ROBO2: variants seen among roughly 807,000 people sequenced by gnomAD.
ROBO2 encodes the protein roundabout homolog 2.
Under a neutral mutation model 160.8 loss-of-function variants are expected in ROBO2, and 53 were observed. That is an observed-to-expected ratio of 0.33 (90% CI 0.26 to 0.41). The LOEUF is 0.41. Ranked by LOEUF, ROBO2 falls within the 10% of genes least tolerant of loss-of-function variation. The pLI is 1.00. For synonymous variants in ROBO2, 664 were observed against 611.7 expected, an observed-to-expected ratio of 1.09 and a Z score of -1.26; for missense variants, 1,577 against 1,722.4, an observed-to-expected ratio of 0.92 and a Z score of 1.49.
At chr3:76,254,578 A>G (rs1706239212) in intron 2 of ROBO2, among the ~76,000 whole-genome samples, 1 of 152,106 alleles carries the variant, frequency 6.6e-6, no homozygotes, top group Admixed American at 6.6e-5. Context: ...GGAAGTCTAG[A>G]GTCAGAAATA....
chr3:76,595,491 G>A (rs1190269789), intron 2 of ROBO2, among the ~76,000 whole-genome samples: 1 of 151,748 alleles, frequency 6.6e-6, no homozygotes, highest in African/African-American at 2.4e-5. Flanking sequence ...GTGACACTAA[G>A]AATGATAAAA....
At chr3:76,626,787 G>T (rs1348189768) in intron 2 of ROBO2, among the ~76,000 whole-genome samples, 2 of 151,980 alleles carry the variant, frequency 1.3e-5, no homozygotes, top group Admixed American at 1.3e-4. Context: ...CCGCCTCCCG[G>T]GTTCACGTCA....
chr3:76,097,932 A>C (rs1269753043), intron 2 of ROBO2, among the ~76,000 whole-genome samples: 1 of 152,194 alleles, frequency 6.6e-6, no homozygotes, highest in Non-Finnish European at 1.5e-5. Context: ...CGATTAATAA[A>C]ATCAAAGTTT....
chr3:77,520,223 G>C (rs1389467965), intron 5 of ROBO2, among the ~76,000 whole-genome samples: 3 of 151,260 alleles, frequency 2.0e-5, no homozygotes, highest in Non-Finnish European at 3.0e-5. Context: ...ACTGTTTTAA[G>C]TTAGCATTTA....
At chr3:76,138,338 C>A (rs1226174409) in intron 2 of ROBO2, among the ~76,000 whole-genome samples, 2 of 151,698 alleles carry the variant, frequency 1.3e-5, no homozygotes, top group Non-Finnish European at 2.9e-5. Context: ...GCTAGAAGAA[C>A]AAAATATAAA....
chr3:76,489,218 A>T (rs1279756639), intron 2 of ROBO2, among the ~76,000 whole-genome samples: 10 of 150,202 alleles, frequency 6.7e-5, no homozygotes, highest in Non-Finnish European at 1.3e-4. Context: ...GGCTCTGATG[A>T]AAAAATGTTT....
chr3:77,094,551 G>C (rs1422790599), intron 1 of ROBO2, among the ~76,000 whole-genome samples: 1 of 152,130 alleles, frequency 6.6e-6, no homozygotes, highest in Non-Finnish European at 1.5e-5. Context: ...TATATATCTA[G>C]GAGTGAAATT....
At chr3:77,431,136 T>C in intron 2 of ROBO2, among the ~76,000 whole-genome samples, 1 of 152,206 alleles carries the variant, frequency 6.6e-6, no homozygotes, top group East Asian at 1.9e-4. Context: ...TAACTGAGCA[T>C]TTAGCAATTG....
chr3:76,468,028 G>A lies in ROBO2; in HGVS notation c.109+530426G>A, dbSNP rs1482584302. ...ACAGTTTTTAGCAAGAAGAAATAAT[G>A]ATAGAAATTGTCATTTACAAAAGCC... On this transcript the variant is annotated intron_variant, in intron 2 of 26. Coordinates refer to the ROBO2 transcript ENST00000487694. Among the ~76,000 whole-genome samples the A allele has an allele frequency of 3.9e-5, 6 of 152,184 alleles. No individual in the cohort carries two copies. The East Asian group carries it at 1.2e-3, about 29-fold the overall frequency.
intron 2 of ROBO2, among the ~76,000 whole-genome samples, chr3:76,123,768 C>T (rs1194473395): frequency 6.6e-6 from 1 of 152,128 alleles, no homozygotes; most frequent in Admixed American, 6.5e-5. Flanking sequence ...TTCACACTCT[C>T]TGGTGTATTA....
intron 2 of ROBO2, among the ~76,000 whole-genome samples, chr3:76,207,418 T>C (rs564452964): frequency 2.0e-5 from 3 of 152,290 alleles, no homozygotes; most frequent in South Asian, 2.1e-4. Flanking sequence ...AAATTTATGA[T>C]GTTAATTTTA....
At chr3:76,165,929 C>T (rs1472952867) in intron 2 of ROBO2, among the ~76,000 whole-genome samples, 1 of 152,082 alleles carries the variant, frequency 6.6e-6, no homozygotes, top group African/African-American at 2.4e-5. Context: ...ACAATTCATT[C>T]ATCAAGTTTG....
At chr3:76,444,175 T>C (rs1410038181) in intron 2 of ROBO2, among the ~76,000 whole-genome samples, 6 of 152,110 alleles carry the variant, frequency 3.9e-5, no homozygotes, top group Non-Finnish European at 8.8e-5. Context: ...AGACGGGGTC[T>C]CATCATGTTG....
At chr3:76,625,435 T>A (rs1356892612) in intron 2 of ROBO2, among the ~76,000 whole-genome samples, 3 of 152,178 alleles carry the variant, frequency 2.0e-5, no homozygotes, top group Non-Finnish European at 2.9e-5. Flanking sequence ...TGTCATTTTT[T>A]GTAAAGCATA....
intron 2 of ROBO2, among the ~76,000 whole-genome samples, chr3:77,465,657 A>G (rs912352127): frequency 1.3e-5 from 2 of 152,162 alleles, no homozygotes; most frequent in African/African-American, 2.4e-5. Flanking sequence ...AGGTTTGATT[A>G]AAGCATCCAT....
intron 2 of ROBO2, among the ~76,000 whole-genome samples, chr3:77,410,620 T>TCCTCCTTCTC (rs1560757888): frequency 5.4e-5 from 1 of 18,502 alleles, no homozygotes; most frequent in Non-Finnish European, 1.2e-4. Flanking sequence ...TCCTCCTTCT[T>TCCTCCTTCTC]CTCCTCCTCT....
At chr3:76,935,165 C>T (rs1293991535) in intron 2 of ROBO2, among the ~76,000 whole-genome samples, 1 of 151,996 alleles carries the variant, frequency 6.6e-6, no homozygotes, top group Admixed American at 6.6e-5. Flanking sequence ...GTTGCCCAGG[C>T]TGATCTCAAA....
chr3:76,320,587 G>GA (rs1367712597), intron 2 of ROBO2, among the ~76,000 whole-genome samples: 1 of 152,198 alleles, frequency 6.6e-6, no homozygotes, highest in Admixed American at 6.5e-5. Flanking sequence ...AATCTCTAAT[G>GA]TAATAGTTGG....
At chr3:76,890,007 G>C (rs1010644596) in intron 2 of ROBO2, among the ~76,000 whole-genome samples, 1 of 152,118 alleles carries the variant, frequency 6.6e-6, no homozygotes, top group Non-Finnish European at 1.5e-5. Context: ...TTTGAAGCAA[G>C]TAGTAAAGGG....
Sources: allele counts gnomAD v4.1 joint callset (sites outside exome capture counted in the v4.1 genomes callset), GRCh38; gene constraint gnomAD v4.1.1; transcripts MANE v1.5; gene names NCBI Gene and HGNC (gene_info 2026-07-23, HGNC 2026-07-21).